The following RYR2 variants were observed in gnomAD, a reference collection of about 807,000 sequenced individuals.
RYR2 encodes the protein cardiac muscle ryanodine receptor-calcium release channel.
In RYR2, 227 loss-of-function variants were observed where a neutral mutation model predicts 601.1. The observed-to-expected ratio is 0.38, with a 90% CI of 0.34 to 0.42. RYR2 has a LOEUF of 0.42. Ranked by LOEUF, RYR2 falls within the 10% of genes least tolerant of loss-of-function variation. The pLI, the probability that RYR2 is intolerant of heterozygous loss-of-function variation, is 1.00. For missense variants in RYR2, 4,646 were observed against 6,156.5 expected, an observed-to-expected ratio of 0.75 and a Z score of 8.21; for synonymous variants, 2,223 against 2,175.1, an observed-to-expected ratio of 1.02 and a Z score of -0.61.
chr1:237,717,071 G>A (rs944604745), intron 71 of RYR2, 127 bp from the exon 72 acceptor site: 57 of 754,768 alleles, frequency 7.6e-5, no homozygotes, highest in Admixed American at 1.4e-4. Context: ...CTCAAAACAG[G>A]AGGATTTTCA....
At chr1:237,177,982 A>G (rs902310636) in intron 1 of RYR2, among the ~76,000 whole-genome samples, 10 of 152,198 alleles carry the variant, frequency 6.6e-5, no homozygotes, top group East Asian at 3.8e-4. Context: ...GAGTTTTCCA[A>G]TGCATGCTCT....
At chr1:237,182,412 A>C (rs1387464168) in intron 1 of RYR2, among the ~76,000 whole-genome samples, 1 of 151,960 alleles carries the variant, frequency 6.6e-6, no homozygotes, top group Non-Finnish European at 1.5e-5. Flanking sequence ...GAGCCACCGC[A>C]CCCAGCTCCC....
intron 1 of RYR2, among the ~76,000 whole-genome samples, chr1:237,104,862 T>C (rs1257259503): frequency 6.6e-6 from 1 of 152,198 alleles, no homozygotes; most frequent in Non-Finnish European, 1.5e-5. Context: ...TTGACTATCG[T>C]GCAGTGGAGA....
chr1:237,288,487 A>G (rs1691815899), intron 2 of RYR2, among the ~76,000 whole-genome samples: 1 of 144,786 alleles, frequency 6.9e-6, no homozygotes, highest in Admixed American at 7.0e-5. Context: ...GTCCTGCTGC[A>G]GCTGCTCTCG....
intron 1 of RYR2, among the ~76,000 whole-genome samples, chr1:237,115,012 G>C (rs1308800840): frequency 2.0e-5 from 3 of 152,172 alleles, no homozygotes; most frequent in Non-Finnish European, 4.4e-5. Flanking sequence ...TAGGACTTGA[G>C]GGAGGTTTCC....
At chr1:237,798,484 C>T (rs1285114291) in intron 97 of RYR2, among the ~76,000 whole-genome samples, 2 of 152,054 alleles carry the variant, frequency 1.3e-5, no homozygotes, top group Non-Finnish European at 2.9e-5. Context: ...CATGCAAAAA[C>T]TCAATATATG....
At chr1:237,769,720 T>C (rs572573720) in intron 84 of RYR2, among the ~76,000 whole-genome samples, 1 of 151,680 alleles carries the variant, frequency 6.6e-6, no homozygotes, top group East Asian at 1.9e-4. Context: ...AAGTATTTAT[T>C]TCCATTCTGT....
chr1:237,200,423 C>G (rs895500622), intron 1 of RYR2, among the ~76,000 whole-genome samples: 10 of 152,100 alleles, frequency 6.6e-5, no homozygotes, highest in African/African-American at 2.4e-4. Flanking sequence ...CACCACCATG[C>G]CTGGCTAACT....
Position 237,180,677 on chromosome 1 carries a change from T to TATGTATAC in RYR2, c.49-89816_49-89815insATACATGT, listed in dbSNP as rs1558379901. Among the ~76,000 whole-genome samples, 6 of 116,678 alleles carry TATGTATAC rather than the reference T, an allele frequency of 5.1e-5. No homozygotes were observed. Among genetic ancestry groups the TATGTATAC allele is most frequent in the African/African-American group, 8.9e-5 (3 of 33,740 alleles). The allele number at this position is 116,678 out of a possible 152,430, so 76.5% of individuals were successfully genotyped here. Reference sequence around the variant, plus strand: ...GTGTATATATGTATACATGTGTATATATGTGTATATATGTATATATAAGTA... The same window carrying TATGTATAC: ...GTGTATATATGTATACATGTGTATATATGTATACATGTGTATATATGTATATATAAGTA... On this transcript the variant is annotated intron_variant, in intron 1 of 104. Transcript: ENST00000366574. The surrounding 1 kb of genome is among the most constrained non-coding windows in gnomAD (Gnocchi z 5.3).
rs1668755322 is a variant in RYR2, at chr1:237,106,994, G to A, written c.48+64425G>A. Among the ~76,000 whole-genome samples, 1 of 152,084 alleles carries A rather than the reference G, an allele frequency of 6.6e-6. No homozygotes were observed. The highest frequency in any genetic ancestry group is 2.4e-5 in the African/African-American group (1 of 41,420). On this transcript the variant is annotated intron_variant, in intron 1 of 104. Transcript: ENST00000366574. The surrounding 1 kb of genome is among the most constrained non-coding windows in gnomAD (Gnocchi z 4.4). ...AACATATGATTTTGGGGGGACTGAGGGACATAAACATTTAGTCTGTAACAC... is the reference window on the plus strand; with the variant it reads ...AACATATGATTTTGGGGGGACTGAGAGACATAAACATTTAGTCTGTAACAC...
At chr1:237,660,676 T>G in intron 55 of RYR2, 134 bp from the exon 56 acceptor site, 1 of 751,968 alleles carries the variant, frequency 1.3e-6, no homozygotes, top group Non-Finnish European at 2.0e-6. Context: ...TTACTTTCCT[T>G]TTTATATTTT....
At chr1:237,676,574 A>G (rs1250145402) in intron 60 of RYR2, among the ~76,000 whole-genome samples, 1 of 152,196 alleles carries the variant, frequency 6.6e-6, no homozygotes, top group Non-Finnish European at 1.5e-5. Flanking sequence ...ACTCTGTTAG[A>G]GGAGCAGATA....
chr1:237,245,994 C>A (rs1191837042), intron 1 of RYR2, among the ~76,000 whole-genome samples: 19 of 152,306 alleles, frequency 1.2e-4, no homozygotes, highest in East Asian at 3.9e-4. Context: ...GTTGACCTGG[C>A]TGGTCTCGAA....
intron 27 of RYR2, among the ~76,000 whole-genome samples, chr1:237,557,561 GTT>G (rs373782971): frequency 4.2e-5 from 6 of 143,632 alleles, no homozygotes; most frequent in East Asian, 4.1e-4. Context: ...AGTTGAAACA[GTT>G]TTTTTTTTTT....
At chr1:237,818,935 T>C in intron 100 of RYR2, 101 bp from the exon 101 acceptor site, 1 of 1,054,424 alleles carries the variant, frequency 9.5e-7, no homozygotes, top group South Asian at 1.8e-5. Context: ...AAATTCTCAT[T>C]TCCAGAGTGA....
intron 20 of RYR2, among the ~76,000 whole-genome samples, chr1:237,498,822 G>A (rs369162280): frequency 6.6e-6 from 1 of 152,160 alleles, no homozygotes; most frequent in South Asian, 2.1e-4. Context: ...CAGAAAGGAC[G>A]ATAGGCAGTG....
chr1:237,421,858 T>C (rs1705626121), intron 11 of RYR2, among the ~76,000 whole-genome samples: 2 of 152,204 alleles, frequency 1.3e-5, no homozygotes, highest in Admixed American at 6.5e-5. Flanking sequence ...TTTTAGAGTA[T>C]ACACTTTTTC....
intron 97 of RYR2, chr1:237,800,169 A>AAAAT (rs1282993800): frequency 1.3e-5 from 2 of 152,236 alleles, no homozygotes; most frequent in African/African-American, 4.8e-5. Flanking sequence ...CTTTTAAAAT[A>AAAAT]AAATAAATAA....
intron 14 of RYR2, among the ~76,000 whole-genome samples, chr1:237,452,272 A>G (rs971513244): frequency 8.3e-5 from 10 of 120,118 alleles, no homozygotes; most frequent in Non-Finnish European, 1.5e-4. Flanking sequence ...TGTTATATAT[A>G]CTATACAATA....
Sources: gnomAD v4.1 joint callset for allele counts (sites outside exome capture counted in the v4.1 genomes callset) on GRCh38, gnomAD v4.1.1 for gene constraint, Gnocchi (gnomAD v3.1) non-coding constraint, MANE v1.5 for transcripts, NCBI Gene and HGNC (gene_info 2026-07-23, HGNC 2026-07-21) for gene names.